The following DDR2 variants were observed in gnomAD, a reference collection of about 807,000 sequenced individuals.
DDR2 encodes the protein discoidin domain-containing receptor 2.
A neutral mutation model predicts 94.9 loss-of-function variants in DDR2; 27 were observed. The ratio of observed to expected loss-of-function variants is 0.28; its 90% CI spans 0.21 to 0.39. DDR2 has a LOEUF of 0.39. Among genes scored for constraint, DDR2 ranks in the 10% least tolerant of loss-of-function variants. DDR2 has a pLI of 1.00. For synonymous variants in DDR2, 382 were observed against 377.2 expected (o/e 1.01, Z -0.15); for missense variants, 783 against 1,076.0 (o/e 0.73, Z 3.81).
intron 2 of DDR2, among the ~76,000 whole-genome samples, chr1:162,683,110 T>C (rs771792115): frequency 2.0e-5 from 3 of 152,178 alleles, no homozygotes; most frequent in Admixed American, 6.5e-5. Context: ...ATTATATTAA[T>C]TGATGCAGAA....
At chr1:162,693,390 G>A (rs1286126018) in intron 2 of DDR2, among the ~76,000 whole-genome samples, 1 of 152,030 alleles carries the variant, frequency 6.6e-6, no homozygotes, top group Non-Finnish European at 1.5e-5. Flanking sequence ...GTGAGGGAGT[G>A]TTTCTGAACC....
chr1:162,630,939 C>A (rs1294451680), upstream of DDR2, among the ~76,000 whole-genome samples: 1 of 152,170 alleles, frequency 6.6e-6, no homozygotes, highest in East Asian at 1.9e-4. Flanking sequence ...TCTGCAGTGT[C>A]TTTTCTCTTC....
chr1:162,646,468 A>G (rs527925557), intron 1 of DDR2, among the ~76,000 whole-genome samples: 1 of 152,198 alleles, frequency 6.6e-6, no homozygotes, highest in Non-Finnish European at 1.5e-5. Flanking sequence ...AATTGGTGTG[A>G]GGTGAGTGCT....
chr1:162,671,363 C>T (rs1318664027), intron 2 of DDR2, among the ~76,000 whole-genome samples: 1 of 152,160 alleles, frequency 6.6e-6, no homozygotes, highest in Non-Finnish European at 1.5e-5. Flanking sequence ...CAGATGCTAC[C>T]CTTGCCCTTT....
At chr1:162,739,726 G>A (rs557772948) in intron 3 of DDR2, among the ~76,000 whole-genome samples, 2 of 152,268 alleles carry the variant, frequency 1.3e-5, no homozygotes, top group African/African-American at 4.8e-5. Context: ...AAAGATACAT[G>A]GGAAAAGGTG....
rs1211213050 is a variant in DDR2, at chr1:162,656,856, TTTG to T, written c.-28+1485_-28+1487del. On this transcript the variant is annotated intron_variant, in intron 2 of 17. Coordinates refer to ENST00000367921, the MANE Select transcript of DDR2 (RefSeq NM_006182.4). Reference sequence around the variant, plus strand: ...GAGTTTTTTTTTTTTTTTTATTTTTTTTGTTAACAGGGTTTTGCTCTGTCACCC... The same window carrying T: ...GAGTTTTTTTTTTTTTTTTATTTTTTTTAACAGGGTTTTGCTCTGTCACCC... 8.7e-4 allele frequency among the ~76,000 whole-genome samples: 118 copies of T among 135,648 alleles called. 27 individuals carry two copies. Among genetic ancestry groups the T allele is most frequent in the Non-Finnish European group, 1.4e-3 (85 of 62,724 alleles). 89.0% of individuals were successfully genotyped at this position (135,648 alleles called of 152,430 possible).
chr1:162,632,730 G>C (rs895776559), intron 1 of DDR2, 99 bp downstream of exon 1: 2 of 152,086 alleles, frequency 1.3e-5, no homozygotes, highest in African/African-American at 4.8e-5. Flanking sequence ...GTTTTAAAAA[G>C]GAAACAGAAG....
chr1:162,771,442 C>A (rs187697423), intron 12 of DDR2, among the ~76,000 whole-genome samples: 1 of 152,236 alleles, frequency 6.6e-6, no homozygotes, highest in East Asian at 1.9e-4. Flanking sequence ...GGATAGAAGA[C>A]ATGAAAGAGC....
At chr1:162,645,560 T>A (rs1311788428) in intron 1 of DDR2, among the ~76,000 whole-genome samples, 3 of 152,240 alleles carry the variant, frequency 2.0e-5, no homozygotes, top group African/African-American at 4.8e-5. Context: ...AGTGTGGAAC[T>A]TAAAGATAGA....
At chr1:162,725,327 T>C (rs1661608096) in intron 3 of DDR2, among the ~76,000 whole-genome samples, 1 of 152,168 alleles carries the variant, frequency 6.6e-6, no homozygotes, top group Admixed American at 6.6e-5. Flanking sequence ...CTTTTTTCTT[T>C]ATCCCGTTTT....
chr1:162,681,510 A>G (rs1286594594), intron 2 of DDR2, among the ~76,000 whole-genome samples: 3 of 152,162 alleles, frequency 2.0e-5, no homozygotes, highest in East Asian at 1.9e-4. Flanking sequence ...TGCTGTCACA[A>G]ACTACCATAT....
rs780172685 is a variant in DDR2, at chr1:162,761,192, A to T, written c.856-19A>T. 2.5e-6 allele frequency: 4 copies of T among 1,613,874 alleles called. No homozygotes were observed. In the East Asian group the frequency reaches 8.9e-5, roughly 36 times the overall value. ...TTAGCAGGGCCAACCTATCACTCAC[A>T]TGCCTCTTTCTCTACCAGGTCCACT... On this transcript the variant is annotated intron_variant, in intron 8 of 17. Coordinates refer to ENST00000367921, the MANE Select transcript of DDR2 (RefSeq NM_006182.4).
Position 162,767,258 on chromosome 1 carries a change from A to T in DDR2, c.1192A>T (p.Thr398Ser). The T allele has an allele frequency of 4.3e-6, 7 of 1,614,056 alleles. No individual in the cohort carries two copies. Among genetic ancestry groups the T allele is most frequent in the Non-Finnish European group, 5.9e-6 (7 of 1,180,006 alleles). ...DPMLKVDDSNTRILIGCLVAI... is the reference protein window; with the variant it reads ...DPMLKVDDSNSRILIGCLVAI... ...AATGCTTAAAGTTGATGACAGCAAC[A>T]CTCGGATCCTGATTGGCTGCTTGGT... Residue 398 changes from threonine to serine, a missense_variant, in exon 11 of 18, where the codon ACT becomes TCT. By Grantham distance (58) the Thr-to-Ser change is moderately conservative. Around this residue, in one of 2 missense-constraint regions of DDR2, gnomAD observed 519 missense variants for 647.9 expected, o/e 0.80. Coordinates refer to ENST00000367921, the MANE Select transcript of DDR2 (RefSeq NM_006182.4).
intron 2 of DDR2, among the ~76,000 whole-genome samples, chr1:162,714,265 A>T (rs1274940272): frequency 6.6e-6 from 1 of 152,144 alleles, no homozygotes; most frequent in African/African-American, 2.4e-5. Context: ...GTCTTAAAGA[A>T]GTTTTGAATT....
intron 3 of DDR2, chr1:162,741,823 C>G: frequency 1.2e-6 from 1 of 858,432 alleles, no homozygotes; most frequent in Non-Finnish European, 1.4e-6. Flanking sequence ...CTCCAGAAGC[C>G]TCTCTTTATT....
chr1:162,781,269 G>A lies in DDR2; in HGVS notation c.*1023G>A, dbSNP rs1456844910. 1.3e-5 allele frequency: 2 copies of A among 152,200 alleles called. No homozygotes were observed. Among genetic ancestry groups the A allele is most frequent in the African/African-American group, 2.4e-5 (1 of 41,446 alleles). 9.4% of individuals were successfully genotyped at this position (152,200 alleles called of 1,614,324 possible). A position where few individuals can be genotyped will look rare whatever the true frequency, so the allele number is the denominator to read the frequency against. On this transcript the variant is annotated 3_prime_UTR_variant, in exon 18 of 18. Coordinates refer to ENST00000367921, the MANE Select transcript of DDR2 (RefSeq NM_006182.4). ...CTGTGGGATCTTTGGGCTTGGGGCT[G>A]AATTTCTCAGGCATAAATACCTAAT... is the stretch of plus-strand genomic sequence containing the variant.
chr1:162,678,008 G>A (rs1659221288), intron 2 of DDR2, among the ~76,000 whole-genome samples: 2 of 152,072 alleles, frequency 1.3e-5, no homozygotes, highest in South Asian at 4.1e-4. Flanking sequence ...TGGGCAACTT[G>A]TAGGGAAGAG....
At position 162,719,200 on chromosome 1, in the gene DDR2, C is replaced by T. The variant is rs532711416; in HGVS notation, c.82+55C>T. On this transcript the variant is annotated intron_variant, in intron 3 of 17. Coordinates refer to ENST00000367921, the MANE Select transcript of DDR2 (RefSeq NM_006182.4). ...AGAAGACCAGCAGAATGTTTAAACC[C>T]ATCAATGTTCAATGGTGGGTCTAAA... is the stretch of plus-strand genomic sequence containing the variant. The T allele has an allele frequency of 1.6e-5, 25 of 1,612,136 alleles. 1 individual carries two copies. The highest frequency in any genetic ancestry group is 3.3e-4 in the Middle Eastern group (2 of 6,034).
At chr1:162,706,336 G>A (rs1333358322) in intron 2 of DDR2, among the ~76,000 whole-genome samples, 1 of 152,200 alleles carries the variant, frequency 6.6e-6, no homozygotes, top group Admixed American at 6.5e-5. Context: ...CAGGGAGACA[G>A]ACATGCATAA....
Sources: allele counts gnomAD v4.1 joint callset (sites outside exome capture counted in the v4.1 genomes callset), GRCh38; gene constraint gnomAD v4.1.1; regional missense constraint gnomAD v4.1.1; transcripts MANE v1.5; gene names NCBI Gene and HGNC (gene_info 2026-07-23, HGNC 2026-07-21).